SHTN1: variants seen among roughly 807,000 people sequenced by gnomAD.
SHTN1 encodes shootin 1.
In SHTN1, 42 loss-of-function variants were observed where a neutral mutation model predicts 83.1. The ratio of observed to expected loss-of-function variants is 0.51; its 90% CI spans 0.39 to 0.65. The LOEUF (loss-of-function observed/expected upper bound fraction) is 0.65. Among genes scored for constraint, SHTN1 ranks in the 30% least tolerant of loss-of-function variants. SHTN1 has a pLI of 0.00. For missense variants in SHTN1, 622 were observed against 737.8 expected, an observed-to-expected ratio of 0.84 and a Z score of 1.82; for synonymous variants, 224 against 247.7, an observed-to-expected ratio of 0.90 and a Z score of 0.90.
chr10:117,030,748 T>C (rs1589903229), intron 2 of SHTN1, among the ~76,000 whole-genome samples: 1 of 151,988 alleles, frequency 6.6e-6, no homozygotes, highest in African/African-American at 2.4e-5. Flanking sequence ...GTAGCAGAAT[T>C]GATCAAGCAG....
chr10:116,925,898 T>C (rs992882441), intron 11 of SHTN1, among the ~76,000 whole-genome samples: 18 of 151,804 alleles, frequency 1.2e-4, no homozygotes, highest in Admixed American at 7.2e-4. Flanking sequence ...ATAAAACAAA[T>C]AGATCAGGAA....
chr10:116,906,675 CT>C lies in SHTN1; in HGVS notation c.1431del (p.Glu478LysfsTer9). The part of the protein sequence containing the change: ...SLDPENSETE[L>X]ERILRRRKVT... ...ACCTTTCTGCGACGCAAAATCCTTT[CT>C]AACTCAGTTTCACTGTTTTCAGGGT... On this transcript the variant is annotated frameshift_variant, in exon 15 of 17. Transcript: ENST00000355371. LOFTEE classifies it high-confidence loss of function. 1 of 1,613,602 alleles carries C rather than the reference CT, an allele frequency of 6.2e-7. No individual in the cohort carries two copies. Among genetic ancestry groups the C allele is most frequent in the Non-Finnish European group, 8.5e-7 (1 of 1,179,660 alleles).
chr10:116,937,721 T>G (rs1441566450), intron 9 of SHTN1, among the ~76,000 whole-genome samples: 1 of 152,134 alleles, frequency 6.6e-6, no homozygotes, highest in Non-Finnish European at 1.5e-5. Context: ...CTTGCTGGGT[T>G]GGGGAAGTTC....
At chr10:117,057,992 T>C (rs1040869893) in intron 1 of SHTN1, among the ~76,000 whole-genome samples, 1 of 152,264 alleles carries the variant, frequency 6.6e-6, no homozygotes, top group African/African-American at 2.4e-5. Context: ...AAGAATGAAG[T>C]TGAACCCTTA....
At chr10:117,109,438 G>A (rs944078966) in intron 1 of SHTN1, among the ~76,000 whole-genome samples, 2 of 151,678 alleles carry the variant, frequency 1.3e-5, no homozygotes, top group Non-Finnish European at 2.9e-5. Flanking sequence ...CAGATTGGAA[G>A]GAAATACACC....
At chr10:117,064,457 C>T (rs561373532) in intron 1 of SHTN1, among the ~76,000 whole-genome samples, 1 of 152,228 alleles carries the variant, frequency 6.6e-6, no homozygotes, top group South Asian at 2.1e-4. Flanking sequence ...AGTTTGAGAC[C>T]AGCCTGGCCA....
chr10:116,981,911 T>C (rs111718417), intron 1 of SHTN1, among the ~76,000 whole-genome samples: 7,356 of 152,020 alleles, frequency 0.048, 281 homozygotes, highest in Non-Finnish European at 0.066. Flanking sequence ...ACAAAAAGAT[T>C]AGCTGGGCGT....
At chr10:116,926,156 G>A (rs999453833) in intron 11 of SHTN1, among the ~76,000 whole-genome samples, 2 of 152,084 alleles carry the variant, frequency 1.3e-5, no homozygotes, top group African/African-American at 2.4e-5. Context: ...GTTTCTCAGC[G>A]TAACTGTAAA....
chr10:116,946,328 T>C (rs1259003599), intron 7 of SHTN1, among the ~76,000 whole-genome samples: 1 of 148,042 alleles, frequency 6.8e-6, no homozygotes, highest in African/African-American at 2.5e-5. Flanking sequence ...GAGATTTTTT[T>C]CTTTCCTTAC....
chr10:117,099,654 T>A, intron 1 of SHTN1, among the ~76,000 whole-genome samples: 1 of 152,110 alleles, frequency 6.6e-6, no homozygotes, highest in African/African-American at 2.4e-5. Context: ...TAGAGAGAAG[T>A]GAAGTTAAAA....
At chr10:117,091,051 G>A (rs145266664) in intron 1 of SHTN1, among the ~76,000 whole-genome samples, 19 of 152,250 alleles carry the variant, frequency 1.2e-4, no homozygotes. Context: ...TCCTCTGGAA[G>A]AGAAGATTGA....
intron 2 of SHTN1, chr10:116,973,954 C>T: frequency 8.1e-7 from 1 of 1,237,162 alleles, no homozygotes; most frequent in Non-Finnish European, 1.1e-6. Flanking sequence ...CTGGCCAGAA[C>T]TGTGCTTTCT....
intron 1 of SHTN1, among the ~76,000 whole-genome samples, chr10:117,057,911 T>C: frequency 6.6e-6 from 1 of 152,196 alleles, no homozygotes; most frequent in East Asian, 1.9e-4. Flanking sequence ...TCAAGGGAGC[T>C]AAGACTATTC....
At position 116,968,074 on chromosome 10, in the gene SHTN1, T is replaced by C. The variant is rs560330001; in HGVS notation, c.172+578A>G. 7.2e-4 allele frequency among the ~76,000 whole-genome samples: 110 copies of C among 152,166 alleles called. 2 individuals carry two copies. The South Asian group carries it at 0.022, about 30-fold the overall frequency. On this transcript the variant is annotated intron_variant, in intron 3 of 16. Transcript: ENST00000355371. Reference sequence around the variant, plus strand: ...GTGTGCGCTTGTAGTTCCAGCTACTTGGGAGGCTAAGGCAAGAGAATTGCT... The same window carrying C: ...GTGTGCGCTTGTAGTTCCAGCTACTCGGGAGGCTAAGGCAAGAGAATTGCT...
chr10:117,082,014 G>GT (rs535132294), intron 1 of SHTN1, among the ~76,000 whole-genome samples: 2 of 126,872 alleles, frequency 1.6e-5, no homozygotes, highest in African/African-American at 2.9e-5. Context: ...TTTTTGAAGG[G>GT]TTTTTTGTGT....
At chr10:117,101,125 G>T (rs918510051) in intron 1 of SHTN1, among the ~76,000 whole-genome samples, 4 of 152,162 alleles carry the variant, frequency 2.6e-5, no homozygotes, top group African/African-American at 9.7e-5. Flanking sequence ...AAGAGAAGGA[G>T]TTGAAATAGG....
At chr10:117,057,496 A>C (rs1564944461) in intron 1 of SHTN1, among the ~76,000 whole-genome samples, 1 of 152,180 alleles carries the variant, frequency 6.6e-6, no homozygotes, top group Non-Finnish European at 1.5e-5. Context: ...TCCCATTGCT[A>C]CAAGGCCCTC....
intron 1 of SHTN1, among the ~76,000 whole-genome samples, chr10:117,059,758 A>G (rs10886036): frequency 0.23 from 35,538 of 152,012 alleles, 4,873 homozygotes; most frequent in East Asian, 0.44. Flanking sequence ...ACTGTTCTAT[A>G]TCTTGACTGT....
intron 1 of SHTN1, among the ~76,000 whole-genome samples, chr10:116,991,989 C>T (rs747024171): frequency 8.6e-5 from 13 of 151,804 alleles, no homozygotes; most frequent in South Asian, 2.1e-4. Flanking sequence ...AAAAAATACC[C>T]ATACTAGCCA....
Sources: gnomAD v4.1 joint callset for allele counts (sites outside exome capture counted in the v4.1 genomes callset) on GRCh38, gnomAD v4.1.1 for gene constraint, MANE v1.5 for transcripts, NCBI Gene and HGNC (gene_info 2026-07-23, HGNC 2026-07-21) for gene names.